SUSD6: variants seen among roughly 807,000 people sequenced by gnomAD.
SUSD6 encodes the protein sushi domain-containing protein 6.
In SUSD6, 16 loss-of-function variants were observed where a neutral mutation model predicts 28.4. The ratio of observed to expected loss-of-function variants is 0.56; its 90% CI spans 0.38 to 0.86. The LOEUF (loss-of-function observed/expected upper bound fraction) is 0.86. Among genes scored for constraint, SUSD6 ranks in the 40% least tolerant of loss-of-function variants. SUSD6 has a pLI of 0.00. For synonymous variants in SUSD6, 147 were observed against 159.6 expected (o/e 0.92, Z 0.59); for missense variants, 341 against 384.2 (o/e 0.89, Z 0.94).
rs1885353380 is a variant in SUSD6 at position 69,641,579 on chromosome 14, A to G, written c.-80-16934A>G. Among the ~76,000 whole-genome samples the G allele has an allele frequency of 2.0e-5, 3 of 151,846 alleles. No individual in the cohort carries two copies. The South Asian group carries it at 6.2e-4, about 32-fold the overall frequency. Reference sequence around the variant, plus strand: ...TGGTATTCTTCCCTCTAGAAGTTCAATTTGAATATTTGAATCTTTATTTTT... The same window carrying G: ...TGGTATTCTTCCCTCTAGAAGTTCAGTTTGAATATTTGAATCTTTATTTTT... On this transcript the variant is annotated intron_variant, in intron 1 of 5. Transcript: ENST00000342745.
chr14:69,668,861 C>G (rs77428911), intron 2 of SUSD6, among the ~76,000 whole-genome samples: 5 of 151,800 alleles, frequency 3.3e-5, no homozygotes, highest in Admixed American at 3.3e-4. Context: ...CCTCCACTTT[C>G]TCCCTTTCGT....
chr14:69,665,498 C>T (rs1186528430), intron 2 of SUSD6, among the ~76,000 whole-genome samples: 1 of 152,192 alleles, frequency 6.6e-6, no homozygotes, highest in Non-Finnish European at 1.5e-5. Flanking sequence ...AACGATCCAC[C>T]CGCCTTGGCC....
At chr14:69,641,137 C>G (rs1595038086) in intron 1 of SUSD6, among the ~76,000 whole-genome samples, 1 of 152,262 alleles carries the variant, frequency 6.6e-6, no homozygotes, top group Admixed American at 6.5e-5. Flanking sequence ...CTTTGCTCCT[C>G]TGTCTGCCAT....
intron 1 of SUSD6, among the ~76,000 whole-genome samples, chr14:69,650,387 ACCTAGACCACCCAATTGC>A (rs376604571): frequency 3.9e-5 from 6 of 152,176 alleles, no homozygotes; most frequent in East Asian, 1.9e-4. Context: ...CGGCGACTGT[ACCTAGACCACCCAATTGC>A]CCTAGACCAC....
At chr14:69,673,831 A>G (rs1885869103) in intron 2 of SUSD6, among the ~76,000 whole-genome samples, 2 of 152,200 alleles carry the variant, frequency 1.3e-5, no homozygotes, top group Admixed American at 6.5e-5. Flanking sequence ...TCTAATGGAC[A>G]GTAACTGAAG....
intron 1 of SUSD6, among the ~76,000 whole-genome samples, chr14:69,640,319 A>G (rs1457513833): frequency 6.6e-6 from 1 of 151,722 alleles, no homozygotes; most frequent in Non-Finnish European, 1.5e-5. Flanking sequence ...ATATATATAC[A>G]CACACACATA....
chr14:69,670,523 A>T (rs2139622602), intron 2 of SUSD6: 1 of 456,662 alleles, frequency 2.2e-6, no homozygotes, highest in Non-Finnish European at 4.4e-6. Flanking sequence ...TGAGTTAACG[A>T]GTATGGGGAG....
intron 1 of SUSD6, among the ~76,000 whole-genome samples, chr14:69,622,258 G>A (rs1184466731): frequency 6.6e-6 from 1 of 152,044 alleles, no homozygotes; most frequent in Admixed American, 6.6e-5. Context: ...TTGACCTTAC[G>A]GGCTTATGCG....
intron 1 of SUSD6, among the ~76,000 whole-genome samples, chr14:69,632,259 C>T (rs929142919): frequency 4.6e-5 from 7 of 152,130 alleles, no homozygotes; most frequent in East Asian, 3.9e-4. Context: ...ATGTCAGGGA[C>T]GGCAGAGTGG....
intron 1 of SUSD6, among the ~76,000 whole-genome samples, chr14:69,619,447 C>T (rs1176339128): frequency 2.6e-5 from 4 of 152,028 alleles, no homozygotes; most frequent in African/African-American, 9.7e-5. Context: ...AATCTCTGTG[C>T]TGTGTATCTT....
At chr14:69,630,444 C>A (rs1270381808) in intron 1 of SUSD6, among the ~76,000 whole-genome samples, 1 of 152,156 alleles carries the variant, frequency 6.6e-6, no homozygotes, top group East Asian at 1.9e-4. Context: ...TTACTGAAAC[C>A]TTTTCTGAGC....
chr14:69,674,465 G>A (rs1171422857), intron 2 of SUSD6, among the ~76,000 whole-genome samples: 1 of 152,122 alleles, frequency 6.6e-6, no homozygotes, highest in Non-Finnish European at 1.5e-5. Flanking sequence ...CTCTGGCAGA[G>A]CTAGCATGTA....
chr14:69,703,546 T>A lies in SUSD6; in HGVS notation c.273T>A (p.Asn91Lys), dbSNP rs1886342442. The change falls in exon 3 of 6, where the codon AAT becomes AAA. Residue 91 changes from asparagine to lysine, a missense_variant. By Grantham distance (94) the Asn-to-Lys change is moderately conservative. Coordinates refer to ENST00000342745, the MANE Select transcript of SUSD6 (RefSeq NM_014734.4). ...ATTACAAATACCTGACGTGTAAGAATGGCGAGTGGAAACCAGCCATGGAGA... is the reference window on the plus strand; with the variant it reads ...ATTACAAATACCTGACGTGTAAGAAAGGCGAGTGGAAACCAGCCATGGAGA... ...KGDYKYLTCK[N>K]GEWKPAMEIS... 1 of 1,614,088 alleles carries A rather than the reference T, an allele frequency of 6.2e-7. No individual in the cohort carries two copies. Among genetic ancestry groups the A allele is most frequent in the Non-Finnish European group, 8.5e-7 (1 of 1,180,036 alleles).
At chr14:69,617,442 A>G (rs1189694718) in intron 1 of SUSD6, 1 of 152,238 alleles carries the variant, frequency 6.6e-6, no homozygotes, top group Non-Finnish European at 1.5e-5. Context: ...AATCAAGAAA[A>G]GGTGCCACCA....
intron 2 of SUSD6, 38 bp from the exon 3 acceptor site, chr14:69,703,357 C>G: frequency 6.5e-7 from 1 of 1,546,772 alleles, no homozygotes; most frequent in Non-Finnish European, 8.9e-7. Context: ...TACTGGATAC[C>G]TCACCACTGT....
intron 2 of SUSD6, among the ~76,000 whole-genome samples, chr14:69,694,490 T>G (rs1334421450): frequency 2.0e-5 from 3 of 152,188 alleles, no homozygotes; most frequent in African/African-American, 7.2e-5. Flanking sequence ...CTGCTCATTG[T>G]TTCTCTCTGG....
At chr14:69,668,144 G>T (rs548369807) in intron 2 of SUSD6, among the ~76,000 whole-genome samples, 42 of 152,258 alleles carry the variant, frequency 2.8e-4, no homozygotes, top group African/African-American at 9.9e-4. Context: ...CCAGCCTTCT[G>T]GGGAGGAAGT....
At chr14:69,663,193 A>G (rs544317245) in intron 2 of SUSD6, among the ~76,000 whole-genome samples, 1 of 152,206 alleles carries the variant, frequency 6.6e-6, no homozygotes, top group South Asian at 2.1e-4. Flanking sequence ...CTGACTCATA[A>G]AAAGTTTTTG....
chr14:69,687,061 G>A (rs924409961), intron 2 of SUSD6, among the ~76,000 whole-genome samples: 4 of 152,138 alleles, frequency 2.6e-5, no homozygotes, highest in African/African-American at 4.8e-5. Context: ...TGCAACCTCC[G>A]CCTCCTGGGT....
Sources: gnomAD v4.1 joint callset for allele counts (sites outside exome capture counted in the v4.1 genomes callset) on GRCh38, gnomAD v4.1.1 for gene constraint, MANE v1.5 for transcripts, NCBI Gene and HGNC (gene_info 2026-07-23, HGNC 2026-07-21) for gene names.